The following TBX22 variants were observed in gnomAD, a reference collection of about 807,000 sequenced individuals.
TBX22 encodes T-box transcription factor TBX22.
In TBX22, 8 loss-of-function variants were observed where a neutral mutation model predicts 30.1. The observed-to-expected ratio is 0.27, with a 90% CI of 0.16 to 0.48. TBX22 has a LOEUF of 0.48. TBX22 is among the 20% of genes least tolerant of loss of function. The probability of loss-of-function intolerance (pLI) is 0.99; values close to 1 mark genes in which losing one functional copy is unlikely to be tolerated. For missense variants in TBX22, 463 were observed against 400.5 expected, an observed-to-expected ratio of 1.16 and a Z score of -1.33; for synonymous variants, 173 against 149.1, an observed-to-expected ratio of 1.16 and a Z score of -1.17.
At chrX:80,024,497 TG>T (rs903458504) in intron 4 of TBX22, among the ~76,000 whole-genome samples, 1 of 110,841 alleles carries the variant, frequency 9.0e-6, no homozygotes, top group African/African-American at 3.3e-5. Context: ...TGGGCTCTGG[TG>T]GTCAGAAGGG....
chrX:80,029,354 G>A lies in TBX22; in HGVS notation c.950-1144G>A, dbSNP rs145686947. 8.7e-3 allele frequency among the ~76,000 whole-genome samples: 974 copies of A among 111,916 alleles called. 6 individuals carry two copies. The highest frequency in any genetic ancestry group is 0.015 in the Non-Finnish European group (800 of 53,135). ...ACAAAAATAAGCTTTAGAGTTTAGC[G>A]TTTCCTGGACCTTATAATTATCCCT... On this transcript the variant is annotated intron_variant, in intron 8 of 8. Transcript: ENST00000373296.
intron 8 of TBX22, 135 bp downstream of exon 8, chrX:80,028,211 A>G: frequency 1.9e-6 from 1 of 525,544 alleles, no homozygotes; most frequent in Non-Finnish European, 3.2e-6. Context: ...CTGCGTGTAC[A>G]TTTGCCTGAA....
intron 5 of TBX22, 108 bp from the exon 6 acceptor site, chrX:80,026,596 C>G: frequency 2.4e-6 from 2 of 844,563 alleles, no homozygotes; most frequent in African/African-American, 2.0e-5. Context: ...GTTACCTAAG[C>G]TTCATCATTG....
intron 6 of TBX22, 94 bp from the exon 7 acceptor site, chrX:80,027,162 A>G (rs993205643): frequency 1.8e-6 from 1 of 548,379 alleles, no homozygotes; most frequent in Non-Finnish European, 3.2e-6. Context: ...GTGTTTCAAC[A>G]TCTCTTCTGG....
At position 80,031,211 on chromosome X, in the gene TBX22, T is replaced by A; in HGVS notation, c.*100T>A. 1.3e-6 allele frequency: 1 copy of A among 751,249 alleles called. No homozygotes were observed. Among genetic ancestry groups the A allele is most frequent in the Non-Finnish European group, 1.9e-6 (1 of 521,190 alleles). The allele number at this position is 751,249 out of a possible 1,213,427, so 61.9% of individuals were successfully genotyped here. ...AGTTATTGGGCTTAAAAAGCATCAT[T>A]ACAATACAGTATTTCTTTGTTATAC... On this transcript the variant is annotated 3_prime_UTR_variant, in exon 9 of 9. Coordinates refer to ENST00000373296, the MANE Select transcript of TBX22 (RefSeq NM_001109878.2).
At chrX:80,023,349 C>T in intron 3 of TBX22, 109 bp downstream of exon 3, 1 of 788,107 alleles carries the variant, frequency 1.3e-6, no homozygotes, top group African/African-American at 2.0e-5. Flanking sequence ...CTCCTCTGTC[C>T]CTTTTCCCCA....
chrX:80,020,906 T>C (rs1179644648), intron 1 of TBX22, among the ~76,000 whole-genome samples: 1 of 111,937 alleles, frequency 8.9e-6, no homozygotes, highest in Non-Finnish European at 1.9e-5. Flanking sequence ...TCTGGAAAAA[T>C]GCAAATGCTA....
rs750914206 is a variant in TBX22 at position 80,023,049 on chromosome X, G to A, written c.176-11G>A. ...TCTCTCAAACCCTGAGCGCCTTTCT[G>A]TGTCCAGCAGAAAAACAACCTAAGA... On this transcript the variant is annotated splice_polypyrimidine_tract_variant and intron_variant, in intron 2 of 8. Transcript: ENST00000373296. 1 of 1,210,542 alleles carries A rather than the reference G, an allele frequency of 8.3e-7. No homozygotes were observed. The highest frequency in any genetic ancestry group is 1.1e-6 in the Non-Finnish European group (1 of 894,915).
chrX:80,020,509 T>C (rs1332308025), intron 1 of TBX22, among the ~76,000 whole-genome samples: 1 of 112,161 alleles, frequency 8.9e-6, no homozygotes, highest in African/African-American at 3.2e-5. Flanking sequence ...TTTGCCTGTC[T>C]AGGATAGGGA....
At chrX:80,020,289 T>TTAGATAGATAGATAGA (rs3048745) in intron 1 of TBX22, among the ~76,000 whole-genome samples, 8,282 of 104,575 alleles carry the variant, frequency 0.079, 482 homozygotes, top group East Asian at 0.26. Context: ...TAGAGATAGA[T>TTAGATAGATAGATAGA]TAGATAGATA....
rs1923993004 is a variant in TBX22 at position 80,026,725 on chromosome X, A to C, written c.655A>C (p.Lys219Gln). 4.1e-6 allele frequency: 5 copies of C among 1,209,983 alleles called. No homozygotes were observed. Among genetic ancestry groups the C allele is most frequent in the Non-Finnish European group, 5.6e-6 (5 of 895,091 alleles). ...CCAGATCATTCTGCAATCCATGCAT[A>C]AGTACAAACCCCGAGTGCACGTGAT... ...KGHIILQSMH[K>Q]YKPRVHVIEQ... The change falls in exon 6 of 9, where the codon AAG (lysine) becomes CAG (glutamine). Residue 219 changes from lysine to glutamine, a missense_variant. Lys to Gln is a moderately conservative substitution (Grantham distance 53). Coordinates refer to ENST00000373296, the MANE Select transcript of TBX22 (RefSeq NM_001109878.2).
At chrX:80,027,843 G>A (rs1359537550) in intron 7 of TBX22, 148 bp from the exon 8 acceptor site, 1 of 505,450 alleles carries the variant, frequency 2.0e-6, no homozygotes, top group Non-Finnish European at 3.4e-6. Context: ...TAGAATTCTA[G>A]GTTTGACTGA....
chrX:80,028,730 T>C (rs1924098306), intron 8 of TBX22, among the ~76,000 whole-genome samples: 1 of 112,007 alleles, frequency 8.9e-6, no homozygotes, highest in East Asian at 2.8e-4. Flanking sequence ...TAATTTTTAT[T>C]TGAAAATGAC....
intron 1 of TBX22, among the ~76,000 whole-genome samples, chrX:80,021,833 G>A (rs1243038959): frequency 8.9e-6 from 1 of 112,098 alleles, no homozygotes; most frequent in Non-Finnish European, 1.9e-5. Flanking sequence ...CGGCAGGTCT[G>A]CTCCCTAAAA....
At chrX:80,020,318 T>TAGATAGATA (rs60845888) in intron 1 of TBX22, among the ~76,000 whole-genome samples, 7 of 96,884 alleles carry the variant, frequency 7.2e-5, no homozygotes, top group African/African-American at 3.1e-4. Context: ...GATAGATAGA[T>TAGATAGATA]GATACATATA....
At chrX:80,015,801 G>T (rs1923409331) in intron 1 of TBX22, among the ~76,000 whole-genome samples, 1 of 112,081 alleles carries the variant, frequency 8.9e-6, no homozygotes, top group Non-Finnish European at 1.9e-5. Context: ...ATTGTTTTCT[G>T]TGATTTCTCT....
At chrX:80,023,375 G>A (rs1923817381) in intron 3 of TBX22, 135 bp downstream of exon 3, 5 of 645,694 alleles carry the variant, frequency 7.7e-6, no homozygotes, top group Non-Finnish European at 1.2e-5. Flanking sequence ...CTGACATACA[G>A]TAGAAAGCCA....
chrX:80,030,769 G>A lies in TBX22; in HGVS notation c.1221G>A (p.Met407Ile). The A allele has an allele frequency of 1.7e-6, 2 of 1,211,680 alleles. No individual in the cohort carries two copies. The highest frequency in any genetic ancestry group is 1.8e-5 in the South Asian group (1 of 57,012). The change falls in exon 9 of 9, where the codon ATG becomes ATA. Residue 407 changes from methionine (M) to isoleucine (I), a missense_variant. Transcript: ENST00000373296. ...SNSSQSLAPL[M>I]MEVPMLSSLG... ...GTTCTCAGTCTTTAGCCCCACTCATGATGGAAGTGCCTATGTTATCTTCCC... is the reference window on the plus strand; with the variant it reads ...GTTCTCAGTCTTTAGCCCCACTCATAATGGAAGTGCCTATGTTATCTTCCC...
intron 1 of TBX22, among the ~76,000 whole-genome samples, chrX:80,022,027 T>TACACAC (rs200577659): frequency 0.016 from 1,515 of 92,946 alleles, 21 homozygotes; most frequent in East Asian, 0.061. Flanking sequence ...ATAAAAAAAT[T>TACACAC]ACACACACAC....
Sources: gnomAD v4.1 joint callset for allele counts (sites outside exome capture counted in the v4.1 genomes callset) on GRCh38, gnomAD v4.1.1 for gene constraint, MANE v1.5 for transcripts, NCBI Gene and HGNC (gene_info 2026-07-23, HGNC 2026-07-21) for gene names.